The following ADAMTS2 variants were observed in gnomAD, a reference collection of about 807,000 sequenced individuals.
ADAMTS2 encodes A disintegrin and metalloproteinase with thrombospondin motifs 2.
Under a neutral mutation model 123.0 loss-of-function variants are expected in ADAMTS2, and 50 were observed. That is an observed-to-expected ratio of 0.41 (90% CI 0.32 to 0.51). The LOEUF (loss-of-function observed/expected upper bound fraction) is 0.51, where lower values mean the gene tolerates loss of function less well. ADAMTS2 is among the 20% of genes least tolerant of loss of function. ADAMTS2 has a pLI of 0.35. For missense variants in ADAMTS2, 1,494 were observed against 1,705.2 expected, an observed-to-expected ratio of 0.88 and a Z score of 2.18; for synonymous variants, 678 against 695.4, an observed-to-expected ratio of 0.98 and a Z score of 0.39.
intron 3 of ADAMTS2, among the ~76,000 whole-genome samples, chr5:179,258,486 G>T (rs888097279): frequency 6.6e-6 from 1 of 152,136 alleles, no homozygotes; most frequent in African/African-American, 2.4e-5. Flanking sequence ...CTCGGCCCCA[G>T]CTCCTGCCAC....
chr5:179,245,906 G>A (rs573638797), intron 3 of ADAMTS2, among the ~76,000 whole-genome samples: 3 of 150,568 alleles, frequency 2.0e-5, no homozygotes, highest in South Asian at 2.1e-4. Flanking sequence ...AGATGCATAC[G>A]ACAAGGGAGA....
intron 2 of ADAMTS2, among the ~76,000 whole-genome samples, chr5:179,321,439 C>T (rs1029053020): frequency 1.3e-5 from 2 of 152,176 alleles, no homozygotes; most frequent in Admixed American, 6.5e-5. Context: ...CTGCAAAGCC[C>T]CCTCTTGGCT....
intron 3 of ADAMTS2, among the ~76,000 whole-genome samples, chr5:179,268,230 A>T (rs946772685): frequency 6.6e-6 from 1 of 152,086 alleles, no homozygotes; most frequent in Non-Finnish European, 1.5e-5. Context: ...TGCCCATGGC[A>T]AGGCCAGGGC....
intron 11 of ADAMTS2, 108 bp from the exon 12 acceptor site, chr5:179,138,052 G>T: frequency 7.9e-7 from 1 of 1,264,268 alleles, no homozygotes; most frequent in East Asian, 2.5e-5. Context: ...TCAGGTGTCC[G>T]GGGGGCAGCT....
intron 21 of ADAMTS2, among the ~76,000 whole-genome samples, chr5:179,116,598 G>C (rs1366029143): frequency 6.6e-6 from 1 of 152,096 alleles, no homozygotes; most frequent in African/African-American, 2.4e-5. Flanking sequence ...AGCTCCACAG[G>C]GCAGAGCCCC....
rs553998112 is a variant in ADAMTS2, at chr5:179,288,873, G to A, written c.535-15809C>T. On this transcript the variant is annotated intron_variant, in intron 2 of 21. Coordinates refer to ENST00000251582, the MANE Select transcript of ADAMTS2 (RefSeq NM_014244.5). ...GACAGTGGCACCCCAGGGTATGAAA[G>A]GCCACACCAGGCTTATGTCCAGTAA... Among the ~76,000 whole-genome samples the A allele has an allele frequency of 2.6e-5, 4 of 152,186 alleles. No individual in the cohort carries two copies. The South Asian group carries it at 8.3e-4, about 31-fold the overall frequency.
In ADAMTS2 at chr5:179,260,388, G is replaced by C. The variant is rs540629880; in HGVS notation, c.688+12523C>G. Among the ~76,000 whole-genome samples, 1 of 152,298 alleles carries C rather than the reference G, an allele frequency of 6.6e-6. No homozygotes were observed. The highest frequency in any genetic ancestry group is 1.9e-4 in the East Asian group (1 of 5,186). ...CCACTGTAAGCAAAAGATTCTCCCCGAAGCTAACGTGCTAAGTGACCTGGA... is the reference window on the plus strand; with the variant it reads ...CCACTGTAAGCAAAAGATTCTCCCCCAAGCTAACGTGCTAAGTGACCTGGA... On this transcript the variant is annotated intron_variant, in intron 3 of 21. Coordinates refer to ENST00000251582, the MANE Select transcript of ADAMTS2 (RefSeq NM_014244.5). The surrounding 1 kb of genome is among the most constrained non-coding windows in gnomAD (Gnocchi z 4.2).
At chr5:179,322,796 T>C (rs1757222570) in intron 2 of ADAMTS2, among the ~76,000 whole-genome samples, 1 of 152,216 alleles carries the variant, frequency 6.6e-6, no homozygotes, top group South Asian at 2.1e-4. Context: ...TGCGGCTCCC[T>C]CACTCGGGGC....
intron 2 of ADAMTS2, among the ~76,000 whole-genome samples, chr5:179,281,495 T>C (rs1766903949): frequency 6.6e-6 from 1 of 152,258 alleles, no homozygotes; most frequent in South Asian, 2.1e-4. Flanking sequence ...TCAAGGTTCA[T>C]CCATGGTGTA....
In ADAMTS2 at chr5:179,207,812, T is replaced by C. The variant is rs950972724; in HGVS notation, c.689-97A>G. The C allele has an allele frequency of 5.6e-6, 6 of 1,063,108 alleles. No individual in the cohort carries two copies. The East Asian group carries it at 1.2e-4, about 22-fold the overall frequency. 65.9% of individuals were successfully genotyped at this position (1,063,108 alleles called of 1,614,324 possible). On this transcript the variant is annotated intron_variant, in intron 3 of 21. Coordinates refer to ENST00000251582, the MANE Select transcript of ADAMTS2 (RefSeq NM_014244.5). The stretch of plus-strand genomic sequence containing the variant: ...TGGCCATCCTCTCATTTAAAACTCA[T>C]AGCACCCTGAACCGAGGGTATTATT...
At chr5:179,248,984 A>G (rs1205766432) in intron 3 of ADAMTS2, among the ~76,000 whole-genome samples, 1 of 152,180 alleles carries the variant, frequency 6.6e-6, no homozygotes, top group Admixed American at 6.5e-5. Flanking sequence ...GTCATATGTT[A>G]GGTCACAAAA....
intron 5 of ADAMTS2, among the ~76,000 whole-genome samples, chr5:179,164,814 C>T (rs1287830537): frequency 6.6e-6 from 1 of 152,222 alleles, no homozygotes; most frequent in East Asian, 1.9e-4. Flanking sequence ...GCACCCAAAA[C>T]AACCATCCGC....
chr5:179,198,200 G>A (rs1389924609), intron 4 of ADAMTS2, among the ~76,000 whole-genome samples: 1 of 152,216 alleles, frequency 6.6e-6, no homozygotes, highest in Non-Finnish European at 1.5e-5. Context: ...GGGCCCAGGG[G>A]AGGCAGCAAC....
intron 3 of ADAMTS2, among the ~76,000 whole-genome samples, chr5:179,208,154 A>G (rs12659507): frequency 0.69 from 81,637 of 117,876 alleles, 25,711 homozygotes; most frequent in Middle Eastern, 0.81. Flanking sequence ...CCCCTTGCCC[A>G]CACTGCCCGA....
At chr5:179,328,036 T>C (rs1337751878) in intron 2 of ADAMTS2, among the ~76,000 whole-genome samples, 1 of 152,156 alleles carries the variant, frequency 6.6e-6, no homozygotes, top group Admixed American at 6.5e-5. Context: ...GTTTGTTTTG[T>C]TTTGTTTTTT....
rs1335087730 is a variant in ADAMTS2 at position 179,129,172 on chromosome 5, A to G, written c.2457+760T>C. ...GCTCACACACTGATGCAGGCAGGTC[A>G]CCAAAGGCACGTCCAGGGGGCCAGA... On this transcript the variant is annotated intron_variant, in intron 16 of 21. Transcript: ENST00000251582. This position sits in a 1 kb window ranked among gnomAD's most constrained non-coding sequence, Gnocchi z 4.1. Among the ~76,000 whole-genome samples the G allele has an allele frequency of 6.6e-6, 1 of 152,148 alleles. No individual in the cohort carries two copies. The highest frequency in any genetic ancestry group is 1.9e-4 in the East Asian group (1 of 5,176).
rs1349014593 is a variant in ADAMTS2, at chr5:179,321,429, C to A, written c.534+22338G>T. 3.3e-5 allele frequency among the ~76,000 whole-genome samples: 5 copies of A among 152,198 alleles called. No homozygotes were observed. In the East Asian group the frequency reaches 9.6e-4, roughly 29 times the overall value. On this transcript the variant is annotated intron_variant, in intron 2 of 21. Transcript: ENST00000251582. The stretch of plus-strand genomic sequence containing the variant: ...AGCTTCCACCAACTCCCCAGCGACC[C>A]TGCAAAGCCCCCTCTTGGCTGCTGG...
At chr5:179,213,070 G>A (rs778654003) in intron 3 of ADAMTS2, among the ~76,000 whole-genome samples, 6 of 152,148 alleles carry the variant, frequency 3.9e-5, no homozygotes, top group South Asian at 4.1e-4. Context: ...GCCACACTGC[G>A]TGCCACTAGG....
chr5:179,294,933 A>G (rs1262968111), intron 2 of ADAMTS2, among the ~76,000 whole-genome samples: 1 of 152,252 alleles, frequency 6.6e-6, no homozygotes, highest in African/African-American at 2.4e-5. Context: ...GTCACTGTGC[A>G]GACTCCTGGC....
Sources: allele counts gnomAD v4.1 joint callset (sites outside exome capture counted in the v4.1 genomes callset), GRCh38; gene constraint gnomAD v4.1.1; non-coding constraint Gnocchi (gnomAD v3.1); transcripts MANE v1.5; gene names NCBI Gene and HGNC (gene_info 2026-07-23, HGNC 2026-07-21).